The following CDKAL1 variants were observed in gnomAD, a reference collection of about 807,000 sequenced individuals.
The protein encoded by CDKAL1 is CDKAL1 threonylcarbamoyladenosine tRNA methylthiotransferase, also known as threonylcarbamoyladenosine tRNA methylthiotransferase.
A neutral mutation model predicts 68.2 loss-of-function variants in CDKAL1; 32 were observed. The ratio of observed to expected loss-of-function variants is 0.47; its 90% confidence interval spans 0.35 to 0.63. CDKAL1 has a LOEUF of 0.63. Ranked by LOEUF, CDKAL1 falls within the 30% of genes least tolerant of loss-of-function variation. The pLI, the probability that CDKAL1 is intolerant of heterozygous loss-of-function variation, is 0.00. For synonymous variants in CDKAL1, 234 were observed against 244.3 expected, an observed-to-expected ratio of 0.96 and a Z score of 0.39; for missense variants, 606 against 696.7, an observed-to-expected ratio of 0.87 and a Z score of 1.47.
intron 4 of CDKAL1, among the ~76,000 whole-genome samples, chr6:20,550,238 A>G (rs1763765933): frequency 1.3e-5 from 2 of 152,170 alleles, no homozygotes; most frequent in Admixed American, 6.5e-5. Flanking sequence ...TTGGCCTCCC[A>G]AAGTGCTGGG....
intron 13 of CDKAL1, among the ~76,000 whole-genome samples, chr6:21,147,748 G>A (rs946394440): frequency 6.6e-6 from 1 of 152,170 alleles, no homozygotes; most frequent in African/African-American, 2.4e-5. Flanking sequence ...ATGAAGCAAC[G>A]TGAGGAAGAA....
intron 5 of CDKAL1, among the ~76,000 whole-genome samples, chr6:20,724,895 T>G (rs1256792978): frequency 6.6e-6 from 1 of 152,172 alleles, no homozygotes; most frequent in Non-Finnish European, 1.5e-5. Context: ...TTAATTAAAT[T>G]TTTAGTAGGA....
chr6:21,092,681 G>C (rs553125739), intron 12 of CDKAL1, among the ~76,000 whole-genome samples: 1 of 149,654 alleles, frequency 6.7e-6, no homozygotes, highest in Admixed American at 6.7e-5. Context: ...AATGGAGTGA[G>C]AGAGAAAATA....
chr6:20,944,928 G>A (rs753800765), intron 9 of CDKAL1, among the ~76,000 whole-genome samples: 3 of 152,176 alleles, frequency 2.0e-5, no homozygotes, highest in Non-Finnish European at 2.9e-5. Flanking sequence ...ATATCTGTCA[G>A]ACCTTCCTAT....
At chr6:20,959,776 T>G (rs16884319) in intron 10 of CDKAL1, among the ~76,000 whole-genome samples, 15,196 of 152,234 alleles carry the variant, frequency 0.1, 1,343 homozygotes, top group African/African-American at 0.24. Context: ...TGCATATTCC[T>G]CTTTAATGAA....
At position 21,019,534 on chromosome 6, in the gene CDKAL1, T is replaced by C. The variant is rs16884394; in HGVS notation, c.1055+19162T>C. 5.0e-3 allele frequency among the ~76,000 whole-genome samples: 765 copies of C among 152,326 alleles called. 9 individuals are homozygous for C. Among genetic ancestry groups the C allele is most frequent in the African/African-American group, 0.017 (689 of 41,570 alleles). ...GCATTAAAAAATAGACTTGAGGCTATATAACACAAATATTAGTGGTGTCGT... is the reference window on the plus strand; with the variant it reads ...GCATTAAAAAATAGACTTGAGGCTACATAACACAAATATTAGTGGTGTCGT... On this transcript the variant is annotated intron_variant, in intron 11 of 15. Coordinates refer to ENST00000274695, the MANE Select transcript of CDKAL1 (RefSeq NM_017774.3).
chr6:21,183,930 A>G (rs1777902335), intron 13 of CDKAL1, among the ~76,000 whole-genome samples: 1 of 152,130 alleles, frequency 6.6e-6, no homozygotes, highest in Non-Finnish European at 1.5e-5. Flanking sequence ...GTTAACCTGA[A>G]AAACTGATAC....
At chr6:20,939,369 G>A (rs1763870511) in intron 9 of CDKAL1, among the ~76,000 whole-genome samples, 1 of 152,092 alleles carries the variant, frequency 6.6e-6, no homozygotes, top group African/African-American at 2.4e-5. Flanking sequence ...TTAACCAGCT[G>A]AAGCCACAGG....
At chr6:20,872,710 G>A (rs376648932) in intron 9 of CDKAL1, among the ~76,000 whole-genome samples, 1 of 3,802 alleles carries the variant, frequency 2.6e-4, no homozygotes, top group Non-Finnish European at 9.8e-3. Context: ...ATGGTAGGAA[G>A]ATAATTCAGT....
intron 2 of CDKAL1, among the ~76,000 whole-genome samples, chr6:20,540,725 G>T (rs1763358543): frequency 6.6e-6 from 1 of 152,176 alleles, no homozygotes; most frequent in Admixed American, 6.5e-5. Flanking sequence ...CAAAGTGTTG[G>T]GATTACAGGC....
chr6:20,569,978 T>C (rs1764630918), intron 4 of CDKAL1, among the ~76,000 whole-genome samples: 1 of 152,038 alleles, frequency 6.6e-6, no homozygotes. Flanking sequence ...TTGGAGGGTG[T>C]CTGGGACCTG....
intron 9 of CDKAL1, among the ~76,000 whole-genome samples, chr6:20,923,818 C>T (rs1429022405): frequency 6.6e-6 from 1 of 152,124 alleles, no homozygotes; most frequent in African/African-American, 2.4e-5. Flanking sequence ...TCAAGACTAG[C>T]CTGGGCAACA....
chr6:20,903,202 A>C (rs1002164227), intron 9 of CDKAL1, among the ~76,000 whole-genome samples: 7 of 152,208 alleles, frequency 4.6e-5, no homozygotes, highest in East Asian at 3.9e-4. Context: ...CTAACACACA[A>C]ACGCAGACAC....
At chr6:20,795,489 C>A (rs1216160041) in intron 8 of CDKAL1, among the ~76,000 whole-genome samples, 1 of 152,136 alleles carries the variant, frequency 6.6e-6, no homozygotes, top group Non-Finnish European at 1.5e-5. Context: ...AGATTATTTT[C>A]TGCAGTGCAT....
chr6:20,696,838 T>C (rs1298715971), intron 5 of CDKAL1, among the ~76,000 whole-genome samples: 4 of 152,184 alleles, frequency 2.6e-5, no homozygotes, highest in Non-Finnish European at 4.4e-5. Flanking sequence ...TAGGACTTGA[T>C]GCAAACAGTA....
rs768633458 is a variant in CDKAL1, at chr6:21,201,247, A to G, written c.1521A>G (p.Ala507=). 6.2e-7 allele frequency: 1 copy of G among 1,611,274 alleles called. No homozygotes were observed. Among genetic ancestry groups the G allele is most frequent in the East Asian group, 2.2e-5 (1 of 44,824 alleles). ...VYTPSISKPL[A]KGEVSGLTKD... ...CGCCCTCCATCAGCAAACCGCTAGC[A>G]AAGGGAGAAGTCTCGGGTTTGACAA... Residue 507 remains alanine (A), a synonymous_variant, in exon 15 of 16, where the codon GCA becomes GCG. Coordinates refer to ENST00000274695, the MANE Select transcript of CDKAL1 (RefSeq NM_017774.3).
intron 8 of CDKAL1, among the ~76,000 whole-genome samples, chr6:20,783,047 A>G (rs1775500457): frequency 1.3e-5 from 2 of 151,890 alleles, no homozygotes; most frequent in Non-Finnish European, 2.9e-5. Flanking sequence ...CTCCTGTCTC[A>G]GCCTCCCGAG....
At chr6:20,874,192 G>T (rs746456576) in intron 9 of CDKAL1, among the ~76,000 whole-genome samples, 23 of 152,140 alleles carry the variant, frequency 1.5e-4, no homozygotes, top group Non-Finnish European at 3.2e-4. Context: ...AATGGAAATG[G>T]TATGGTAGAT....
intron 11 of CDKAL1, among the ~76,000 whole-genome samples, chr6:21,044,896 G>A (rs1770137279): frequency 1.3e-5 from 2 of 152,228 alleles, no homozygotes; most frequent in South Asian, 2.1e-4. Context: ...GGAAGTCTAT[G>A]ATCAAGGCAC....
Sources: gnomAD v4.1 joint callset for allele counts (sites outside exome capture counted in the v4.1 genomes callset) on GRCh38, gnomAD v4.1.1 for gene constraint, MANE v1.5 for transcripts, NCBI Gene and HGNC (gene_info 2026-07-23, HGNC 2026-07-21) for gene names.